ABHD2: variants seen among roughly 807,000 people sequenced by gnomAD.
ABHD2 encodes abhydrolase domain containing 2, acylglycerol lipase, also known as monoacylglycerol lipase ABHD2.
In ABHD2, 20 loss-of-function variants were observed where a neutral mutation model predicts 48.1. The ratio of observed to expected loss-of-function variants is 0.42; its 90% CI spans 0.29 to 0.60. The LOEUF is 0.60. ABHD2 is among the 20% of genes least tolerant of loss of function. ABHD2 has a pLI of 0.24. For synonymous variants in ABHD2, 209 were observed against 214.2 expected, an observed-to-expected ratio of 0.98 and a Z score of 0.21; for missense variants, 405 against 550.9, an observed-to-expected ratio of 0.74 and a Z score of 2.65.
chr15:89,076,711 T>C, the ABHD2 span, among the ~76,000 whole-genome samples: 5 of 152,202 alleles, frequency 3.3e-5, no homozygotes, highest in Non-Finnish European at 7.3e-5. Context: ...CTCAAACTCC[T>C]GGGCTCAAGT....
In ABHD2 at chr15:89,196,110, G is replaced by A. The variant is rs1381104982; in HGVS notation, c.*687G>A. 6.6e-6 allele frequency: 1 copy of A among 152,452 alleles called. No homozygotes were observed. The highest frequency in any genetic ancestry group is 1.5e-5 in the Non-Finnish European group (1 of 68,016). 9.4% of individuals were successfully genotyped at this position (152,452 alleles called of 1,614,324 possible). On this transcript the variant is annotated 3_prime_UTR_variant, in exon 11 of 11. Transcript: ENST00000352732. ...CACTGGGTCTGGGAAGGAGCCTGGG[G>A]ATTTTAATTTTTCACAAGTGCCCCA... is the stretch of plus-strand genomic sequence containing the variant.
chr15:89,100,284 A>T lies in ABHD2; in HGVS notation c.-107+11721A>T, dbSNP rs944923295. On this transcript the variant is annotated intron_variant, in intron 1 of 10. Transcript: ENST00000352732. This position sits in a 1 kb window ranked among gnomAD's most constrained non-coding sequence, Gnocchi z 4.4. ...CTCCCAAGTTCACATTGTGTTGTTA[A>T]TTTTTTTTTTTTTTTTTAAGAGACA... 1.4e-5 allele frequency among the ~76,000 whole-genome samples: 2 copies of T among 141,208 alleles called. No homozygotes were observed. Among genetic ancestry groups the T allele is most frequent in the Non-Finnish European group, 3.1e-5 (2 of 64,138 alleles). 92.6% of individuals were successfully genotyped at this position (141,208 alleles called of 152,430 possible).
At chr15:89,156,175 C>G (rs968874384) in intron 5 of ABHD2, among the ~76,000 whole-genome samples, 2 of 129,888 alleles carry the variant, frequency 1.5e-5, no homozygotes, top group Non-Finnish European at 3.1e-5. Flanking sequence ...GGCTGGAGTG[C>G]AGTGGCACGA....
In ABHD2 at chr15:89,195,343, T is replaced by G. The variant is rs1596170934; in HGVS notation, c.1198T>G (p.Tyr400Asp). 1 of 1,614,126 alleles carries G rather than the reference T, an allele frequency of 6.2e-7. No homozygotes were observed. Among genetic ancestry groups the G allele is most frequent in the Non-Finnish European group, 8.5e-7 (1 of 1,180,014 alleles). ...ATGGATGGATAAGCTGGTGGTGGAG[T>G]ACGCCAACGCCATTTGCCAATGGGA... is the stretch of plus-strand genomic sequence containing the variant. Reference protein sequence around the residue: ...LTWMDKLVVEYANAICQWERN... With the variant: ...LTWMDKLVVEDANAICQWERN... Residue 400 changes from tyrosine to aspartate, a missense_variant, in exon 11 of 11, where the codon TAC becomes GAC. Tyr to Asp is a radical substitution (Grantham distance 160, BLOSUM62 -3). Transcript: ENST00000352732. This position sits in a 1 kb window ranked among gnomAD's most constrained non-coding sequence, Gnocchi z 5.1.
chr15:89,062,087 C>A, the ABHD2 span, among the ~76,000 whole-genome samples: 1 of 152,206 alleles, frequency 6.6e-6, no homozygotes, highest in Non-Finnish European at 1.5e-5. Context: ...CGGCTACCAC[C>A]AAAGCCTGAG....
Position 89,201,222 on chromosome 15 carries a change from CT to C in ABHD2, c.*5801del. On this transcript the variant is annotated 3_prime_UTR_variant, in exon 11 of 11. Coordinates refer to ENST00000352732, the MANE Select transcript of ABHD2 (RefSeq NM_152924.5). ...TATGCTACCTTTCTGAGCCTTAAAC[CT>C]TCATCTCTCAGGTGTTGATTTGCTT... The C allele has an allele frequency of 6.9e-7, 1 of 1,450,864 alleles. No individual in the cohort carries two copies. The highest frequency in any genetic ancestry group is 9.6e-7 in the Non-Finnish European group (1 of 1,039,468). 89.9% of individuals were successfully genotyped at this position (1,450,864 alleles called of 1,614,324 possible).
chr15:89,049,496 C>G, the ABHD2 span, among the ~76,000 whole-genome samples: 1 of 152,210 alleles, frequency 6.6e-6, no homozygotes, highest in Non-Finnish European at 1.5e-5. Context: ...GCCTCGCTGC[C>G]GCCTTGCAGT....
At position 89,185,401 on chromosome 15, in the gene ABHD2, C is replaced by T. The variant is rs1345231281; in HGVS notation, c.723-23C>T. 3 of 1,609,412 alleles carry T rather than the reference C, an allele frequency of 1.9e-6. No individual in the cohort carries two copies. The highest frequency in any genetic ancestry group is 1.7e-6 in the Non-Finnish European group (2 of 1,175,878). On this transcript the variant is annotated intron_variant, in intron 6 of 10. Coordinates refer to ENST00000352732, the MANE Select transcript of ABHD2 (RefSeq NM_152924.5). The surrounding 1 kb of genome is among the most constrained non-coding windows in gnomAD (Gnocchi z 5.9). Reference sequence around the variant, plus strand: ...CCTGCACCCCCACACCGCAGTCACCCTCACTCGCTGTGGTTCTTCCAGGGC... The same window carrying T: ...CCTGCACCCCCACACCGCAGTCACCTTCACTCGCTGTGGTTCTTCCAGGGC...
intron 3 of ABHD2, among the ~76,000 whole-genome samples, chr15:89,131,902 C>T (rs1323612388): frequency 6.6e-6 from 1 of 151,860 alleles, no homozygotes; most frequent in African/African-American, 2.4e-5. Context: ...CCAGCATAAG[C>T]AGGATAAGCA....
the ABHD2 span, among the ~76,000 whole-genome samples, chr15:89,076,644 C>A: frequency 1.4e-4 from 21 of 151,982 alleles, no homozygotes; most frequent in Admixed American, 8.5e-4. Context: ...CCACCATGTC[C>A]AGCTACTTTT....
chr15:89,043,664 G>C, the ABHD2 span, among the ~76,000 whole-genome samples: 2 of 133,724 alleles, frequency 1.5e-5, no homozygotes, highest in Non-Finnish European at 3.3e-5. Flanking sequence ...AGGAGGAGGA[G>C]AGGGAGGAGG....
rs1261942451 is a variant in ABHD2, at chr15:89,116,056, A to G, written c.-6-266A>G. On this transcript the variant is annotated intron_variant, in intron 2 of 10. Coordinates refer to ENST00000352732, the MANE Select transcript of ABHD2 (RefSeq NM_152924.5). This position sits in a 1 kb window ranked among gnomAD's most constrained non-coding sequence, Gnocchi z 4.6. ...CATTTTTCAATTTTCTGATTTGCTC[A>G]TCTTAGAAATGCTTGTGAAATTATA... Among the ~76,000 whole-genome samples, 14 of 152,348 alleles carry G rather than the reference A, an allele frequency of 9.2e-5. No homozygotes were observed. The highest frequency in any genetic ancestry group is 5.9e-5 in the Non-Finnish European group (4 of 68,028).
At chr15:89,190,943 C>A in intron 8 of ABHD2, 137 bp from the exon 9 acceptor site, 1 of 715,514 alleles carries the variant, frequency 1.4e-6, no homozygotes. Context: ...AGCATTCAGG[C>A]CTAGCTCCTG....
intron 8 of ABHD2, 34 bp from the exon 9 acceptor site, chr15:89,191,046 C>T (rs756909414): frequency 1.9e-6 from 3 of 1,607,358 alleles, no homozygotes; most frequent in Admixed American, 3.3e-5. Flanking sequence ...ATGTTTTGTC[C>T]TTTTTCTTTT....
At chr15:89,131,144 G>T (rs887143962) in intron 3 of ABHD2, among the ~76,000 whole-genome samples, 3 of 152,138 alleles carry the variant, frequency 2.0e-5, no homozygotes, top group African/African-American at 7.2e-5. Context: ...AATTCATCAT[G>T]CCATGCCCCT....
chr15:89,183,384 A>AAATATATATATATAT (rs61602174), intron 6 of ABHD2: 8 of 46,262 alleles, frequency 1.7e-4, no homozygotes, highest in Admixed American at 3.3e-4. Context: ...AAAAAAAAAA[A>AAATATATATATATAT]ATATATATAT....
At chr15:89,139,812 G>C (rs966865393) in intron 3 of ABHD2, among the ~76,000 whole-genome samples, 4 of 152,080 alleles carry the variant, frequency 2.6e-5, no homozygotes, top group Admixed American at 2.0e-4. Context: ...TGTGAAGATG[G>C]GCATTCTCTC....
intron 5 of ABHD2, among the ~76,000 whole-genome samples, chr15:89,161,562 A>C (rs1376154775): frequency 1.3e-5 from 2 of 152,060 alleles, no homozygotes; most frequent in African/African-American, 4.8e-5. Context: ...CACCACACCC[A>C]GCTAATTTTT....
In ABHD2 at chr15:89,174,993, CTA is replaced by C. The variant is rs1205334511; in HGVS notation, c.539-817_539-816del. 6.6e-6 allele frequency among the ~76,000 whole-genome samples: 1 copy of C among 152,186 alleles called. No individual in the cohort carries two copies. The highest frequency in any genetic ancestry group is 2.4e-5 in the African/African-American group (1 of 41,430). On this transcript the variant is annotated intron_variant, in intron 5 of 10. Coordinates refer to ENST00000352732, the MANE Select transcript of ABHD2 (RefSeq NM_152924.5). The surrounding 1 kb of genome is among the most constrained non-coding windows in gnomAD (Gnocchi z 4.1). The stretch of plus-strand genomic sequence containing the variant: ...GCCTGCCTCCCTTGGCACCCTGTCC[CTA>C]TGTCACCAAGAACGTTTTACCCTAA...
Sources: allele counts gnomAD v4.1 joint callset (sites outside exome capture counted in the v4.1 genomes callset), GRCh38; gene constraint gnomAD v4.1.1; non-coding constraint Gnocchi (gnomAD v3.1); transcripts MANE v1.5; gene names NCBI Gene and HGNC (gene_info 2026-07-23, HGNC 2026-07-21).